GABRA4: variants seen among roughly 807,000 people sequenced by gnomAD.
GABRA4 encodes the protein gamma-aminobutyric acid type A receptor subunit alpha4.
Under a neutral mutation model 49.7 loss-of-function variants are expected in GABRA4, and 12 were observed. That is an observed-to-expected ratio of 0.24 (90% confidence interval 0.15 to 0.39). The LOEUF (loss-of-function observed/expected upper bound fraction) is 0.39. Ranked by LOEUF, GABRA4 falls within the 10% of genes least tolerant of loss-of-function variation. GABRA4 has a pLI of 1.00. For missense variants in GABRA4, 506 were observed against 686.0 expected (o/e 0.74, Z 2.93); for synonymous variants, 288 against 240.2 (o/e 1.20, Z -1.84).
intron 2 of GABRA4, among the ~76,000 whole-genome samples, chr4:46,979,495 G>C (rs182898708): frequency 7.0e-4 from 106 of 152,190 alleles, no homozygotes; most frequent in Non-Finnish European, 1.3e-3. Flanking sequence ...CAACAAAGAA[G>C]AGAAAAACCA....
At chr4:46,961,667 G>A (rs112063037) in intron 8 of GABRA4, among the ~76,000 whole-genome samples, 15 of 151,980 alleles carry the variant, frequency 9.9e-5, no homozygotes, top group African/African-American at 3.4e-4. Flanking sequence ...ATTTATATAC[G>A]TGTTGATTTG....
At position 46,925,789 on chromosome 4, in the gene GABRA4, A is replaced by G. The variant is rs1439016189; in HGVS notation, c.*2436T>C. On this transcript the variant is annotated 3_prime_UTR_variant, in exon 9 of 9. Transcript: ENST00000264318. ...ATTATTATCATTGTGTGCAAATGAA[A>G]TAATTTATTTTAATAATAATGTTTA... The G allele has an allele frequency of 6.7e-6, 1 of 148,438 alleles. No homozygotes were observed. Among genetic ancestry groups the G allele is most frequent in the Admixed American group, 6.8e-5 (1 of 14,778 alleles). The allele number at this position is 148,438 out of a possible 1,614,324, so 9.2% of individuals were successfully genotyped here. A position where few individuals can be genotyped will look rare whatever the true frequency, so the allele number is the denominator to read the frequency against.
rs914845478 is a variant in GABRA4, at chr4:46,920,609, C to A, written c.*7616G>T. On this transcript the variant is annotated 3_prime_UTR_variant, in exon 9 of 9. Transcript: ENST00000264318. ...CAAATTGTGTAAATCCACATTATCT[C>A]CATATTTTACATTCTATTTTGCTGA... The A allele has an allele frequency of 2.6e-5, 4 of 151,602 alleles. No individual in the cohort carries two copies. Among genetic ancestry groups the A allele is most frequent in the Non-Finnish European group, 5.9e-5 (4 of 67,662 alleles). 9.4% of individuals were successfully genotyped at this position (151,602 alleles called of 1,614,324 possible). A position where few individuals can be genotyped will look rare whatever the true frequency, so the allele number is the denominator to read the frequency against.
chr4:46,929,747 C>A (rs1052646792), intron 8 of GABRA4, among the ~76,000 whole-genome samples: 3 of 152,070 alleles, frequency 2.0e-5, no homozygotes, highest in Non-Finnish European at 4.4e-5. Context: ...TCCTCCCTAA[C>A]TATGCTTATT....
chr4:46,988,907 T>C (rs1234184457), intron 2 of GABRA4, among the ~76,000 whole-genome samples: 1 of 152,182 alleles, frequency 6.6e-6, no homozygotes, highest in African/African-American at 2.4e-5. Flanking sequence ...TGATGGTCAA[T>C]TCATTGGAAA....
intron 8 of GABRA4, among the ~76,000 whole-genome samples, chr4:46,960,999 C>T (rs1722553143): frequency 6.6e-6 from 1 of 151,706 alleles, no homozygotes; most frequent in Admixed American, 6.6e-5. Flanking sequence ...AATAAAACAA[C>T]AAGCACAGAG....
intron 8 of GABRA4, among the ~76,000 whole-genome samples, chr4:46,936,492 C>T (rs1042597132): frequency 1.3e-5 from 2 of 152,172 alleles, no homozygotes; most frequent in East Asian, 3.9e-4. Context: ...TCAGGTGATC[C>T]GCCCACCTCG....
intron 8 of GABRA4, among the ~76,000 whole-genome samples, chr4:46,932,134 G>A (rs1721459554): frequency 6.6e-6 from 1 of 152,096 alleles, no homozygotes; most frequent in African/African-American, 2.4e-5. Flanking sequence ...AGATTGGCCT[G>A]CCCAGAACTC....
Position 46,928,677 on chromosome 4 carries a change from C to T in GABRA4, c.1213G>A (p.Glu405Lys). 6.2e-7 allele frequency: 1 copy of T among 1,613,366 alleles called. No homozygotes were observed. The highest frequency in any genetic ancestry group is 8.5e-7 in the Non-Finnish European group (1 of 1,179,540). The change falls in exon 9 of 9, where the codon GAG (glutamate) becomes AAG (lysine). Residue 405 changes from glutamate (E) to lysine (K), a missense_variant. This residue lies in a region of GABRA4 where 243 missense variants were observed against 210.8 expected (regional missense o/e 1.15). Transcript: ENST00000264318. ...GATTTGCTTGAATGGTTTCCCACCTCAGTTCTGTTGCCAACATCAGATTCA... is the reference window on the plus strand; with the variant it reads ...GATTTGCTTGAATGGTTTCCCACCTTAGTTCTGTTGCCAACATCAGATTCA... Reference protein sequence around the residue: ...HSESDVGNRTEVGNHSSKSST... With the variant: ...HSESDVGNRTKVGNHSSKSST...
At chr4:46,934,217 T>C (rs1397123031) in intron 8 of GABRA4, among the ~76,000 whole-genome samples, 2 of 152,036 alleles carry the variant, frequency 1.3e-5, no homozygotes, top group African/African-American at 2.4e-5. Flanking sequence ...ATGAGTCACA[T>C]ACTAAAAAAA....
chr4:46,942,544 G>T (rs1390002017), intron 8 of GABRA4, among the ~76,000 whole-genome samples: 2 of 151,324 alleles, frequency 1.3e-5, no homozygotes, highest in African/African-American at 4.9e-5. Flanking sequence ...AGAATTGCTT[G>T]AACGCGGAAG....
intron 8 of GABRA4, among the ~76,000 whole-genome samples, chr4:46,938,168 A>G (rs536807027): frequency 1.3e-4 from 20 of 152,250 alleles, no homozygotes; most frequent in South Asian, 2.1e-4. Context: ...GGCCAAGTAA[A>G]TTCACCTTTA....
intron 8 of GABRA4, among the ~76,000 whole-genome samples, chr4:46,942,065 T>C (rs1721819089): frequency 6.6e-6 from 1 of 152,174 alleles, no homozygotes; most frequent in Non-Finnish European, 1.5e-5. Flanking sequence ...TAACATACTT[T>C]TAATTTGTTG....
intron 2 of GABRA4, among the ~76,000 whole-genome samples, chr4:46,990,240 T>A (rs1723696010): frequency 6.6e-6 from 1 of 152,188 alleles, no homozygotes; most frequent in African/African-American, 2.4e-5. Context: ...TATAAAAATG[T>A]TTTCAGGTGG....
intron 8 of GABRA4, among the ~76,000 whole-genome samples, chr4:46,963,027 T>C (rs1201808647): frequency 6.6e-6 from 1 of 151,820 alleles, no homozygotes; most frequent in Non-Finnish European, 1.5e-5. Context: ...CTCTTGGACA[T>C]TGGTCTGGGC....
chr4:46,979,603 C>T (rs1723278989), intron 2 of GABRA4, among the ~76,000 whole-genome samples: 2 of 152,096 alleles, frequency 1.3e-5, no homozygotes, highest in African/African-American at 4.8e-5. Flanking sequence ...ACACCATCCA[C>T]TGCTGATTGG....
At chr4:46,932,779 A>G (rs1400426846) in intron 8 of GABRA4, among the ~76,000 whole-genome samples, 1 of 152,140 alleles carries the variant, frequency 6.6e-6, no homozygotes, top group Non-Finnish European at 1.5e-5. Flanking sequence ...TCCTTTTAAA[A>G]AATTGCCTAT....
intron 5 of GABRA4, among the ~76,000 whole-genome samples, chr4:46,976,844 T>C (rs1723154346): frequency 6.6e-6 from 1 of 151,936 alleles, no homozygotes; most frequent in Non-Finnish European, 1.5e-5. Context: ...ACTTAGATTA[T>C]CTGTATAAAT....
At position 46,921,411 on chromosome 4, in the gene GABRA4, A is replaced by C. The variant is rs549974561; in HGVS notation, c.*6814T>G. 1 of 152,024 alleles carries C rather than the reference A, an allele frequency of 6.6e-6. No homozygotes were observed. Among genetic ancestry groups the C allele is most frequent in the Non-Finnish European group, 1.5e-5 (1 of 67,918 alleles). The allele number at this position is 152,024 out of a possible 1,614,324, so 9.4% of individuals were successfully genotyped here. ...ACAAAGGAAAGGGAAGCAATCTCAG[A>C]GGAAAACTCTGGGATTCCCCTATAG... On this transcript the variant is annotated 3_prime_UTR_variant, in exon 9 of 9. Coordinates refer to ENST00000264318, the MANE Select transcript of GABRA4 (RefSeq NM_000809.4).
Sources: allele counts gnomAD v4.1 joint callset (sites outside exome capture counted in the v4.1 genomes callset), GRCh38; gene constraint gnomAD v4.1.1; regional missense constraint gnomAD v4.1.1; transcripts MANE v1.5; gene names NCBI Gene and HGNC (gene_info 2026-07-23, HGNC 2026-07-21).